LRCH1: variants seen among roughly 807,000 people sequenced by gnomAD.
The protein encoded by LRCH1 is leucine rich repeats and calponin homology domain containing 1, also known as leucine-rich repeat and calponin homology domain-containing protein 1.
A neutral mutation model predicts 94.9 loss-of-function variants in LRCH1; 23 were observed. The ratio of observed to expected loss-of-function variants is 0.24; its 90% CI spans 0.17 to 0.34. LRCH1 has a LOEUF of 0.34. Among genes scored for constraint, LRCH1 ranks in the 10% least tolerant of loss-of-function variants. The pLI is 1.00. For synonymous variants in LRCH1, 364 were observed against 354.9 expected, an observed-to-expected ratio of 1.03 and a Z score of -0.29; for missense variants, 790 against 945.9, an observed-to-expected ratio of 0.84 and a Z score of 2.16.
chr13:46,589,593 CTTTTTTTT>C (rs762747151), intron 1 of LRCH1, among the ~76,000 whole-genome samples: 4 of 77,712 alleles, frequency 5.1e-5, no homozygotes, highest in Admixed American at 1.7e-4. Context: ...AGTTCTCTCA[CTTTTTTTT>C]TTTTTTTTTT....
chr13:46,675,018 A>C lies in LRCH1; in HGVS notation c.579+5862A>C, dbSNP rs188355294. On this transcript the variant is annotated intron_variant, in intron 3 of 19. Transcript: ENST00000389797. The stretch of plus-strand genomic sequence containing the variant: ...GTTACAAAAAAAAAGGTTTGGTACA[A>C]ATGGTCAATGTCTCACTAATGTTTT... 1.5e-3 allele frequency among the ~76,000 whole-genome samples: 233 copies of C among 152,350 alleles called. 2 individuals are homozygous for C. The highest frequency in any genetic ancestry group is 5.0e-3 in the Admixed American group (77 of 15,308).
intron 16 of LRCH1, 48 bp downstream of exon 16, chr13:46,715,712 TG>T: frequency 9.3e-7 from 1 of 1,075,996 alleles, no homozygotes; most frequent in Non-Finnish European, 1.4e-6. Context: ...AATAAGCCAA[TG>T]CGTATACTGA....
At chr13:46,606,846 G>C (rs937290021) in intron 1 of LRCH1, among the ~76,000 whole-genome samples, 34 of 152,274 alleles carry the variant, frequency 2.2e-4, no homozygotes, top group African/African-American at 7.9e-4. Context: ...AGGATTACAG[G>C]TGTGAGCCAC....
At position 46,705,720 on chromosome 13, in the gene LRCH1, C is replaced by T. The variant is rs1356092118; in HGVS notation, c.1527+416C>T. The T allele has an allele frequency of 8.9e-6, 3 of 335,256 alleles. No individual in the cohort carries two copies. In the Admixed American group the frequency reaches 1.3e-4, roughly 14 times the overall value. 20.8% of individuals were successfully genotyped at this position (335,256 alleles called of 1,614,324 possible). A position where few individuals can be genotyped will look rare whatever the true frequency, so the allele number is the denominator to read the frequency against. On this transcript the variant is annotated intron_variant, in intron 13 of 19. Coordinates refer to ENST00000389797, the MANE Select transcript of LRCH1 (RefSeq NM_001164211.2). ...CTAGAAAACACCTGAAAGACAAGAA[C>T]AAATTATTTGGGAATGTCGAGGAGG...
At chr13:46,573,557 T>C (rs1023298172) in intron 1 of LRCH1, among the ~76,000 whole-genome samples, 4 of 152,066 alleles carry the variant, frequency 2.6e-5, no homozygotes, top group African/African-American at 9.7e-5. Context: ...ATAAAAAGAA[T>C]GAGATCCTGT....
At chr13:46,624,817 T>C (rs1267214436) in intron 1 of LRCH1, among the ~76,000 whole-genome samples, 1 of 152,232 alleles carries the variant, frequency 6.6e-6, no homozygotes, top group African/African-American at 2.4e-5. Flanking sequence ...ACTCCAACGA[T>C]GTTAGCTACT....
intron 1 of LRCH1, among the ~76,000 whole-genome samples, chr13:46,584,253 T>C (rs754170427): frequency 2.0e-5 from 3 of 152,208 alleles, no homozygotes; most frequent in Non-Finnish European, 2.9e-5. Flanking sequence ...CTCCATTGTT[T>C]CTCATAGCAT....
In LRCH1 at chr13:46,564,350, T is replaced by C. The variant is rs190584931; in HGVS notation, c.307+10647T>C. Among the ~76,000 whole-genome samples the C allele has an allele frequency of 3.9e-3, 592 of 152,352 alleles. 4 individuals carry two copies. The highest frequency in any genetic ancestry group is 0.026 in the South Asian group (126 of 4,826). The stretch of plus-strand genomic sequence containing the variant: ...TTAACCCTAGCAGACCTGGGCCTTC[T>C]TATTAATGGTGGTTTCTTATTGTTT... On this transcript the variant is annotated intron_variant, in intron 1 of 19. Coordinates refer to ENST00000389797, the MANE Select transcript of LRCH1 (RefSeq NM_001164211.2).
chr13:46,746,661 G>C (rs1199840439), downstream of LRCH1, among the ~76,000 whole-genome samples: 1 of 152,204 alleles, frequency 6.6e-6, no homozygotes, highest in East Asian at 1.9e-4. Flanking sequence ...TGTCTCTGCT[G>C]TAAGTCCATT....
At chr13:46,600,897 T>G (rs1184510542) in intron 1 of LRCH1, among the ~76,000 whole-genome samples, 1 of 152,240 alleles carries the variant, frequency 6.6e-6, no homozygotes, top group Non-Finnish European at 1.5e-5. Context: ...GTTAGCGCTT[T>G]AAAGCAATTT....
chr13:46,665,012 C>T (rs181347832), intron 2 of LRCH1, among the ~76,000 whole-genome samples: 205 of 152,248 alleles, frequency 1.3e-3, no homozygotes, highest in African/African-American at 4.8e-3. Context: ...TTTTCTGCCA[C>T]ACCAAGCAGC....
chr13:46,593,132 T>C (rs2050518940), intron 1 of LRCH1, among the ~76,000 whole-genome samples: 1 of 151,942 alleles, frequency 6.6e-6, no homozygotes, highest in Non-Finnish European at 1.5e-5. Flanking sequence ...TATGGAAGTG[T>C]AGGCTTTGAA....
chr13:46,553,848 C>T, intron 1 of LRCH1, 145 bp downstream of exon 1: 1 of 1,466,908 alleles, frequency 6.8e-7, no homozygotes, highest in East Asian at 2.5e-5. Context: ...AGAAGGGACT[C>T]GCGTGGGCGC....
chr13:46,560,436 A>T (rs890821951), intron 1 of LRCH1, among the ~76,000 whole-genome samples: 2 of 152,090 alleles, frequency 1.3e-5, no homozygotes, highest in African/African-American at 2.4e-5. Context: ...TTGAGCTTAG[A>T]TATGGCAATT....
intron 19 of LRCH1, among the ~76,000 whole-genome samples, chr13:46,735,831 C>T (rs1388590269): frequency 1.5e-5 from 2 of 132,136 alleles, no homozygotes; most frequent in Non-Finnish European, 3.1e-5. Flanking sequence ...CCCACTCTGT[C>T]ACCTGGCCAG....
chr13:46,708,352 A>G (rs145250968), intron 13 of LRCH1, among the ~76,000 whole-genome samples: 14 of 147,140 alleles, frequency 9.5e-5, no homozygotes, highest in Non-Finnish European at 1.9e-4. Context: ...GCTCACTGCA[A>G]CCTCCACCTC....
intron 1 of LRCH1, among the ~76,000 whole-genome samples, chr13:46,586,279 C>T (rs117898409): frequency 7.2e-4 from 110 of 152,286 alleles, no homozygotes; most frequent in Admixed American, 7.2e-4. Flanking sequence ...CTGAATTAAG[C>T]ATGATAGTTG....
chr13:46,553,868 G>A (rs2050031686), intron 1 of LRCH1, among the ~76,000 whole-genome samples, 165 bp downstream of exon 1: 1 of 152,198 alleles, frequency 6.6e-6, no homozygotes, highest in South Asian at 2.1e-4. Context: ...CGGAAGAAGC[G>A]GGCCCTGGAG....
chr13:46,732,414 T>C (rs1480826780), intron 18 of LRCH1, among the ~76,000 whole-genome samples: 2 of 152,214 alleles, frequency 1.3e-5, no homozygotes, highest in Non-Finnish European at 2.9e-5. Context: ...AACCATTGCG[T>C]TTGTCACAAG....
Sources: allele counts gnomAD v4.1 joint callset (sites outside exome capture counted in the v4.1 genomes callset), GRCh38; gene constraint gnomAD v4.1.1; transcripts MANE v1.5; gene names NCBI Gene and HGNC (gene_info 2026-07-23, HGNC 2026-07-21).